TIMM9: variants seen among roughly 807,000 people sequenced by gnomAD.
The protein encoded by TIMM9 is mitochondrial import inner membrane translocase subunit Tim9.
In TIMM9, 10 loss-of-function variants were observed where a neutral mutation model predicts 13.4. The ratio of observed to expected loss-of-function variants is 0.75; its 90% CI spans 0.46 to 1.26. The LOEUF (loss-of-function observed/expected upper bound fraction) is 1.26. TIMM9 is among the 50% of genes most tolerant of loss of function. The probability of loss-of-function intolerance (pLI) is 0.00; values close to 1 mark genes in which losing one functional copy is unlikely to be tolerated. For missense variants in TIMM9, 87 were observed against 100.8 expected (o/e 0.86, Z 0.58); for synonymous variants, 32 against 32.1 (o/e 1.00, Z 0.01).
rs2036508139 is a variant in TIMM9, at chr14:58,419,208, C to T, written c.-27+4800G>A. 2.0e-5 allele frequency among the ~76,000 whole-genome samples: 3 copies of T among 152,096 alleles called. 1 individual carries two copies. The South Asian group carries it at 6.2e-4, about 31-fold the overall frequency. ...GTGGCTCACACCTGTAATCCCAGCA[C>T]TTTGGGAGGCCAAGAAGGGAGAATT... is the stretch of plus-strand genomic sequence containing the variant. On this transcript the variant is annotated intron_variant, in intron 3 of 5. Transcript: ENST00000395159.
intron 3 of TIMM9, among the ~76,000 whole-genome samples, chr14:58,421,062 G>A (rs2036576703): frequency 1.3e-5 from 2 of 152,080 alleles, no homozygotes; most frequent in Non-Finnish European, 2.9e-5. Flanking sequence ...AATCCTATAT[G>A]TGAATGTTTG....
intron 3 of TIMM9, among the ~76,000 whole-genome samples, chr14:58,414,008 G>GA (rs10656955): frequency 0.016 from 376 of 24,172 alleles, 143 homozygotes; most frequent in African/African-American, 0.07. Context: ...TTCCGTCTCA[G>GA]AAAAAAAAAA....
chr14:58,423,328 G>A (rs1253143821), intron 3 of TIMM9, among the ~76,000 whole-genome samples: 3 of 149,658 alleles, frequency 2.0e-5, no homozygotes, highest in Non-Finnish European at 4.4e-5. Flanking sequence ...GACCAGCCTG[G>A]CCAACATGGT....
intron 2 of TIMM9, among the ~76,000 whole-genome samples, chr14:58,425,618 T>C (rs139400320): frequency 9.9e-5 from 15 of 152,140 alleles, no homozygotes; most frequent in African/African-American, 3.6e-4. Flanking sequence ...TAAGTTGTCA[T>C]TTTAATAATT....
chr14:58,420,402 C>A (rs2036552937), intron 3 of TIMM9, among the ~76,000 whole-genome samples: 1 of 151,900 alleles, frequency 6.6e-6, no homozygotes, highest in Admixed American at 6.6e-5. Context: ...AAGCAAGAGC[C>A]GTAAAAAGGT....
At chr14:58,420,150 C>G (rs2036545390) in intron 3 of TIMM9, among the ~76,000 whole-genome samples, 1 of 151,748 alleles carries the variant, frequency 6.6e-6, no homozygotes, top group Non-Finnish European at 1.5e-5. Context: ...GCAAAGAGTT[C>G]TTATATTTGA....
chr14:58,418,190 A>C (rs1278904594), intron 3 of TIMM9, among the ~76,000 whole-genome samples: 1 of 152,226 alleles, frequency 6.6e-6, no homozygotes, highest in Non-Finnish European at 1.5e-5. Context: ...AATCCGTTTA[A>C]GTCCACATAT....
intron 3 of TIMM9, among the ~76,000 whole-genome samples, chr14:58,421,882 C>T (rs1478838534): frequency 2.0e-5 from 3 of 152,144 alleles, no homozygotes; most frequent in African/African-American, 7.2e-5. Context: ...AGACCTGAGC[C>T]TTTTGAATTG....
chr14:58,415,160 G>A (rs1163785493), intron 3 of TIMM9, among the ~76,000 whole-genome samples: 1 of 152,170 alleles, frequency 6.6e-6, no homozygotes, highest in Admixed American at 6.6e-5. Context: ...GTGTCAGAGT[G>A]AGGAAGATGA....
At chr14:58,413,509 A>C (rs1235490168) in intron 3 of TIMM9, among the ~76,000 whole-genome samples, 1 of 152,234 alleles carries the variant, frequency 6.6e-6, no homozygotes, top group African/African-American at 2.4e-5. Context: ...GACTAATCAG[A>C]GACTTCTAAT....
chr14:58,410,806 A>G, intron 5 of TIMM9, 37 bp downstream of exon 5: 1 of 1,432,586 alleles, frequency 7.0e-7, no homozygotes, highest in Non-Finnish European at 9.7e-7. Flanking sequence ...GTGTTTATGA[A>G]GGCTTGTAGA....
At chr14:58,419,529 A>AC (rs1491222126) in intron 3 of TIMM9, among the ~76,000 whole-genome samples, 5 of 151,620 alleles carry the variant, frequency 3.3e-5, no homozygotes, top group African/African-American at 1.2e-4. Context: ...ACACACACAC[A>AC]AAAATACACT....
chr14:58,410,888 C>A lies in TIMM9; in HGVS notation c.90G>T (p.Leu30Phe). The A allele has an allele frequency of 6.2e-7, 1 of 1,612,960 alleles. No individual in the cohort carries two copies. Among genetic ancestry groups the A allele is most frequent in the South Asian group, 1.1e-5 (1 of 90,768 alleles). The change falls in exon 5 of 6, where the codon TTG (leucine) becomes TTT (phenylalanine). Residue 30 changes from leucine (L) to phenylalanine (F), a missense_variant. By Grantham distance (22) the Leu-to-Phe change is conservative (BLOSUM62 0). Transcript: ENST00000395159. ...TTGTTGTGAAGTCTTTAACACAGTC[C>A]AAAAAGCAGGTCTCTGTAAGTTTAT... ...TYNKLTETCF[L>F]DCVKDFTTRE...
intron 3 of TIMM9, among the ~76,000 whole-genome samples, chr14:58,415,942 G>A (rs573256352): frequency 2.0e-5 from 3 of 152,054 alleles, no homozygotes; most frequent in African/African-American, 4.8e-5. Context: ...AAGGCTGAGC[G>A]CAGTGCCTCA....
chr14:58,410,620 T>C (rs540574988), intron 5 of TIMM9, among the ~76,000 whole-genome samples: 2 of 152,352 alleles, frequency 1.3e-5, no homozygotes, highest in East Asian at 3.9e-4. Context: ...TGCAGGCATC[T>C]TCTCTAAAAT....
At position 58,409,131 on chromosome 14, in the gene TIMM9, T is replaced by G; in HGVS notation, c.173A>C (p.Lys58Thr). 6.2e-7 allele frequency: 1 copy of G among 1,613,912 alleles called. No individual in the cohort carries two copies. Among genetic ancestry groups the G allele is most frequent in the Non-Finnish European group, 8.5e-7 (1 of 1,179,932 alleles). Reference protein sequence around the residue: ...CSEHCLQKYLKMTQRISMRFQ... With the variant: ...CSEHCLQKYLTMTQRISMRFQ... ...TCTCATGGATATTCTTTGTGTCATT[T>G]TTAAATATTTCTGTAAGCAATGTTC... Residue 58 changes from lysine (K) to threonine (T), a missense_variant, in exon 6 of 6, where the codon AAA becomes ACA. Physicochemically the swap from Lys to Thr is moderately conservative, Grantham distance 78 (BLOSUM62 -1). Coordinates refer to ENST00000395159, the MANE Select transcript of TIMM9 (RefSeq NM_012460.4).
chr14:58,419,496 CACACACACAA>C (rs1412736040), intron 3 of TIMM9, among the ~76,000 whole-genome samples: 34 of 148,354 alleles, frequency 2.3e-4, no homozygotes, highest in African/African-American at 7.3e-4. Context: ...CACACACACA[CACACACACAA>C]ACACATACAC....
At chr14:58,412,119 C>G in intron 3 of TIMM9, 148 bp from the exon 4 acceptor site, 1 of 586,582 alleles carries the variant, frequency 1.7e-6, no homozygotes, top group Non-Finnish European at 3.0e-6. Context: ...CATTAATGAC[C>G]ATAGAACCTT....
At chr14:58,411,680 A>C (rs2036221576) in intron 4 of TIMM9, among the ~76,000 whole-genome samples, 2 of 151,748 alleles carry the variant, frequency 1.3e-5, no homozygotes, top group South Asian at 4.2e-4. Flanking sequence ...CTGGGACTAG[A>C]GGTGTGCGCC....
Sources: allele counts gnomAD v4.1 joint callset (sites outside exome capture counted in the v4.1 genomes callset), GRCh38; gene constraint gnomAD v4.1.1; transcripts MANE v1.5; gene names NCBI Gene and HGNC (gene_info 2026-07-23, HGNC 2026-07-21).